Variants in HDAC9 observed in about 807,000 individuals in gnomAD.
HDAC9 encodes MEF-2 interacting transcription repressor (MITR) protein.
In HDAC9, 41 loss-of-function variants were observed where a neutral mutation model predicts 139.4. The observed-to-expected ratio is 0.29, with a 90% CI of 0.23 to 0.38. HDAC9 has a LOEUF of 0.38. HDAC9 is among the 10% of genes least tolerant of loss of function. The pLI is 1.00. For missense variants in HDAC9, 1,147 were observed against 1,297.0 expected (o/e 0.88, Z 1.78); for synonymous variants, 517 against 476.2 (o/e 1.09, Z -1.12).
intron 1 of HDAC9, among the ~76,000 whole-genome samples, chr7:18,140,454 C>T (rs1373995199): frequency 6.6e-6 from 1 of 152,160 alleles, no homozygotes; most frequent in Non-Finnish European, 1.5e-5. Context: ...AAAAGTCACT[C>T]TTAGACTAGA....
chr7:18,436,842 A>G (rs1316749618), intron 1 of HDAC9, among the ~76,000 whole-genome samples: 1 of 152,200 alleles, frequency 6.6e-6, no homozygotes, highest in African/African-American at 2.4e-5. Context: ...ATTTGATGTG[A>G]TGAAAATAAT....
intron 1 of HDAC9, among the ~76,000 whole-genome samples, chr7:18,098,923 A>G (rs765886733): frequency 2.0e-5 from 3 of 152,144 alleles, no homozygotes; most frequent in Non-Finnish European, 4.4e-5. Context: ...CTGCTTTGTT[A>G]TCTTCTTTCC....
chr7:18,215,845 C>T (rs1001451469), intron 2 of HDAC9, among the ~76,000 whole-genome samples: 3 of 152,018 alleles, frequency 2.0e-5, no homozygotes, highest in African/African-American at 7.2e-5. Flanking sequence ...TGGCATATTC[C>T]AAGCTGTTTT....
chr7:18,644,765 G>A lies in HDAC9; in HGVS notation c.1007G>A (p.Gly336Glu). ...CCTTCTTTGCCCAACATTACCTTGGGGCTTCCCGCAGTGCCATCCCAGCTC... is the reference window on the plus strand; with the variant it reads ...CCTTCTTTGCCCAACATTACCTTGGAGCTTCCCGCAGTGCCATCCCAGCTC... ...TSPSLPNITLGLPAVPSQLNA... is the reference protein window; with the variant it reads ...TSPSLPNITLELPAVPSQLNA... Residue 336 changes from glycine (G) to glutamate (E), a missense_variant, in exon 9 of 26, where the codon GGG becomes GAG. Physicochemically the swap from Gly to Glu is moderately conservative, Grantham distance 98. Around this residue, in one of 7 missense-constraint regions of HDAC9, gnomAD observed 264 missense variants for 273.8 expected, o/e 0.96. Transcript: ENST00000686413. 11 of 1,611,360 alleles carry A rather than the reference G, an allele frequency of 6.8e-6. No homozygotes were observed. The highest frequency in any genetic ancestry group is 9.3e-6 in the Non-Finnish European group (11 of 1,178,544).
At chr7:18,835,829 T>C in intron 20 of HDAC9, 71 bp from the exon 21 acceptor site, 1 of 1,121,116 alleles carries the variant, frequency 8.9e-7, no homozygotes, top group East Asian at 2.6e-5. Context: ...CATGTGCTTG[T>C]TTTCCTCTCT....
intron 2 of HDAC9, among the ~76,000 whole-genome samples, chr7:18,555,422 A>G (rs184595101): frequency 6.6e-6 from 1 of 152,218 alleles, no homozygotes; most frequent in Non-Finnish European, 1.5e-5. Flanking sequence ...CTAATGGATA[A>G]TTTTGGGACA....
intron 2 of HDAC9, among the ~76,000 whole-genome samples, chr7:18,542,633 A>G (rs1813387138): frequency 6.6e-6 from 1 of 152,164 alleles, no homozygotes; most frequent in Non-Finnish European, 1.5e-5. Flanking sequence ...ACACAAAATA[A>G]CATCATGATA....
intron 2 of HDAC9, among the ~76,000 whole-genome samples, chr7:18,525,829 T>C (rs1806688070): frequency 6.6e-6 from 1 of 150,394 alleles, no homozygotes. Flanking sequence ...TACCTGACTT[T>C]GAGAAATTAC....
chr7:18,894,344 G>A (rs1382086462), intron 22 of HDAC9, among the ~76,000 whole-genome samples: 2 of 152,158 alleles, frequency 1.3e-5, no homozygotes, highest in Non-Finnish European at 2.9e-5. Context: ...TTGGAGCCAT[G>A]AGGGGGAGCC....
chr7:18,261,833 G>T (rs1015948275), intron 2 of HDAC9, among the ~76,000 whole-genome samples: 1 of 152,172 alleles, frequency 6.6e-6, no homozygotes, highest in South Asian at 2.1e-4. Flanking sequence ...TAAAGATTTC[G>T]TGTGTGCATT....
At chr7:18,907,638 G>A (rs915138664) in intron 22 of HDAC9, among the ~76,000 whole-genome samples, 2 of 152,206 alleles carry the variant, frequency 1.3e-5, no homozygotes, top group Non-Finnish European at 2.9e-5. Context: ...AATTCCTTGG[G>A]CAAAGGTGGA....
chr7:18,802,511 A>G (rs1246852451), intron 17 of HDAC9, among the ~76,000 whole-genome samples: 5 of 151,918 alleles, frequency 3.3e-5, no homozygotes. Flanking sequence ...TTATATGTCC[A>G]TTAGCACAAG....
intron 2 of HDAC9, among the ~76,000 whole-genome samples, chr7:18,573,515 C>T (rs1281447517): frequency 6.6e-6 from 1 of 152,216 alleles, no homozygotes; most frequent in Non-Finnish European, 1.5e-5. Flanking sequence ...TTCTTTCCAC[C>T]CACTCGGCTC....
intron 2 of HDAC9, among the ~76,000 whole-genome samples, chr7:18,180,124 C>T (rs529299795): frequency 2.0e-5 from 3 of 151,970 alleles, no homozygotes; most frequent in Admixed American, 6.6e-5. Flanking sequence ...CTTTATCCTA[C>T]CCCCAGTAGT....
chr7:18,792,673 A>C (rs1792429098), intron 16 of HDAC9, among the ~76,000 whole-genome samples: 1 of 152,194 alleles, frequency 6.6e-6, no homozygotes, highest in East Asian at 1.9e-4. Context: ...ACCAGTTTGA[A>C]CTGAAACAAT....
intron 1 of HDAC9, among the ~76,000 whole-genome samples, chr7:18,150,471 G>C (rs189035047): frequency 6.6e-6 from 1 of 152,146 alleles, no homozygotes; most frequent in Non-Finnish European, 1.5e-5. Context: ...TATTATCTTC[G>C]TTGGCTAAGG....
At chr7:18,793,168 A>C (rs1159437573) in intron 16 of HDAC9, 177 bp from the exon 17 acceptor site, 1 of 593,754 alleles carries the variant, frequency 1.7e-6, no homozygotes, top group Admixed American at 2.7e-5. Flanking sequence ...CAGCTGGCCA[A>C]GACGGAAGAC....
intron 2 of HDAC9, among the ~76,000 whole-genome samples, chr7:18,512,482 A>G (rs1290842179): frequency 6.6e-6 from 1 of 152,196 alleles, no homozygotes; most frequent in Non-Finnish European, 1.5e-5. Context: ...AGAAAACTTG[A>G]TCAGATTTGA....
At chr7:18,960,009 A>AACAC (rs58030908) in intron 24 of HDAC9, among the ~76,000 whole-genome samples, 6,595 of 148,896 alleles carry the variant, frequency 0.044, 192 homozygotes, top group East Asian at 0.19. Flanking sequence ...TGTTGTTTTA[A>AACAC]ACACACACAC....
Sources: gnomAD v4.1 joint callset for allele counts (sites outside exome capture counted in the v4.1 genomes callset) on GRCh38, gnomAD v4.1.1 for gene constraint, gnomAD v4.1.1 regional missense constraint, MANE v1.5 for transcripts, NCBI Gene and HGNC (gene_info 2026-07-23, HGNC 2026-07-21) for gene names.